The following NPR3 variants were observed in gnomAD, a reference collection of about 807,000 sequenced individuals.
The protein encoded by NPR3 is atrial natriuretic peptide receptor 3.
A neutral mutation model predicts 54.5 loss-of-function variants in NPR3; 34 were observed. The ratio of observed to expected loss-of-function variants is 0.62; its 90% CI spans 0.47 to 0.83. The LOEUF (loss-of-function observed/expected upper bound fraction) is 0.83, where lower values mean the gene tolerates loss of function less well. Ranked by LOEUF, NPR3 falls within the 40% of genes least tolerant of loss-of-function variation. NPR3 has a pLI of 0.00. For synonymous variants in NPR3, 289 were observed against 297.1 expected (o/e 0.97, Z 0.28); for missense variants, 674 against 720.8 (o/e 0.94, Z 0.74).
chr5:32,765,616 C>T (rs1242547452), intron 3 of NPR3, among the ~76,000 whole-genome samples: 2 of 152,166 alleles, frequency 1.3e-5, no homozygotes, highest in African/African-American at 4.8e-5. Context: ...ATCGGGAACA[C>T]AGATGCGCAA....
At chr5:32,728,976 A>T (rs864671) in intron 2 of NPR3, among the ~76,000 whole-genome samples, 51,105 of 132,580 alleles carry the variant, frequency 0.39, 11,349 homozygotes, top group African/African-American at 0.58. Flanking sequence ...ATTTTATTTT[A>T]TTCCCTGAGG....
In NPR3 at chr5:32,743,583, C is replaced by T. The variant is rs199758119; in HGVS notation, c.1059+4553C>T. 6.6e-5 allele frequency among the ~76,000 whole-genome samples: 10 copies of T among 152,318 alleles called. No homozygotes were observed. The East Asian group carries it at 1.9e-3, about 29-fold the overall frequency. On this transcript the variant is annotated intron_variant, in intron 3 of 7. Transcript: ENST00000265074. Reference sequence around the variant, plus strand: ...AACCATTTCTGCACTCCTAGAATAACTCAGGACCATCTCAACCTCAAGACT... The same window carrying T: ...AACCATTTCTGCACTCCTAGAATAATTCAGGACCATCTCAACCTCAAGACT...
At chr5:32,706,327 C>T (rs959595852), upstream of NPR3, among the ~76,000 whole-genome samples, 1 of 152,136 alleles carries the variant, frequency 6.6e-6, no homozygotes, top group Admixed American at 6.6e-5. Context: ...TAACCAGTCT[C>T]AGTTATTTCC....
At chr5:32,775,202 T>C (rs1037350814) in intron 4 of NPR3, among the ~76,000 whole-genome samples, 5 of 152,190 alleles carry the variant, frequency 3.3e-5, no homozygotes, top group Admixed American at 2.6e-4. Context: ...GTGTTCAGAC[T>C]ATGTTGGTTT....
intron 3 of NPR3, among the ~76,000 whole-genome samples, chr5:32,741,777 T>C (rs991530747): frequency 6.6e-6 from 1 of 151,974 alleles, no homozygotes; most frequent in African/African-American, 2.4e-5. Context: ...TTTTCTTTTT[T>C]TTTTTGAGAT....
chr5:32,791,148 C>G lies in NPR3; in HGVS notation c.*4803C>G, dbSNP rs1024577320. The G allele has an allele frequency of 6.0e-6, 1 of 167,058 alleles. No homozygotes were observed. The highest frequency in any genetic ancestry group is 2.4e-5 in the African/African-American group (1 of 41,442). 10.3% of individuals were successfully genotyped at this position (167,058 alleles called of 1,614,324 possible). A position where few individuals can be genotyped will look rare whatever the true frequency, so the allele number is the denominator to read the frequency against. On this transcript the variant is annotated 3_prime_UTR_variant, in exon 8 of 8. Transcript: ENST00000265074. ...TTATTTATTGCCAAGATCTGAAAATCTTCAACATCTTATAAGACAACAATG... is the reference window on the plus strand; with the variant it reads ...TTATTTATTGCCAAGATCTGAAAATGTTCAACATCTTATAAGACAACAATG...
Position 32,700,731 on chromosome 5 carries a change from G to A in NPR3, c.100+11545G>A, listed in dbSNP as rs140901743. ...TCCCTGCCAAGGACATGAACTCATC[G>A]TTTTTTATGGCTGCATAGTATTCCA... On this transcript the variant is annotated intron_variant, in intron 1 of 5. Transcript: ENST00000509104. Among the ~76,000 whole-genome samples, 256 of 152,222 alleles carry A rather than the reference G, an allele frequency of 1.7e-3. 3 individuals are homozygous for A. Among genetic ancestry groups the A allele is most frequent in the African/African-American group, 6.0e-3 (248 of 41,552 alleles).
At chr5:32,726,272 T>C (rs1739131874) in intron 2 of NPR3, among the ~76,000 whole-genome samples, 1 of 152,176 alleles carries the variant, frequency 6.6e-6, no homozygotes, top group African/African-American at 2.4e-5. Context: ...GAGCAGTACA[T>C]CATTGTGCAT....
At chr5:32,735,512 C>T (rs766877871) in intron 2 of NPR3, among the ~76,000 whole-genome samples, 13 of 150,638 alleles carry the variant, frequency 8.6e-5, no homozygotes, top group Non-Finnish European at 1.8e-4. Context: ...AAAACTTGCT[C>T]ATAATTGTAA....
intron 1 of NPR3, among the ~76,000 whole-genome samples, chr5:32,702,721 T>C (rs964861310): frequency 2.0e-5 from 3 of 152,180 alleles, no homozygotes; most frequent in Non-Finnish European, 4.4e-5. Context: ...ACAATAAGCA[T>C]ACGTGTGCAT....
chr5:32,713,523 A>T, intron 1 of NPR3: 1 of 930,202 alleles, frequency 1.1e-6, no homozygotes, highest in Non-Finnish European at 1.3e-6. Flanking sequence ...GAGCACTGCG[A>T]TGAGGGAATC....
At chr5:32,707,712 C>G (rs1738032905), upstream of NPR3, among the ~76,000 whole-genome samples, 1 of 152,114 alleles carries the variant, frequency 6.6e-6, no homozygotes, top group Non-Finnish European at 1.5e-5. Flanking sequence ...CTCTGAAAAT[C>G]TAGGTGGGTT....
At chr5:32,758,330 G>A (rs886326248) in intron 3 of NPR3, among the ~76,000 whole-genome samples, 3 of 152,084 alleles carry the variant, frequency 2.0e-5, no homozygotes, top group African/African-American at 7.2e-5. Flanking sequence ...TGTAGTCTTC[G>A]GAGGGTGTAT....
intron 3 of NPR3, among the ~76,000 whole-genome samples, chr5:32,742,046 C>A (rs114030092): frequency 2.0e-5 from 3 of 151,556 alleles, no homozygotes; most frequent in African/African-American, 7.3e-5. Context: ...TAGTGTGGTG[C>A]GGGAGCCTGT....
intron 3 of NPR3, among the ~76,000 whole-genome samples, chr5:32,760,266 GTTTAAC>G (rs1304085835): frequency 6.6e-6 from 1 of 152,092 alleles, no homozygotes; most frequent in East Asian, 1.9e-4. Context: ...ATAGATGCAA[GTTTAAC>G]TTTATAAGAA....
intron 3 of NPR3, among the ~76,000 whole-genome samples, chr5:32,756,414 T>A (rs1296074832): frequency 6.6e-6 from 1 of 152,264 alleles, no homozygotes; most frequent in East Asian, 1.9e-4. Flanking sequence ...TTGAGAAGTG[T>A]CTGTTCATAT....
chr5:32,785,180 A>G (rs1234153773), intron 7 of NPR3, among the ~76,000 whole-genome samples: 4 of 114,112 alleles, frequency 3.5e-5, no homozygotes, highest in African/African-American at 1.4e-4. Flanking sequence ...ACGGAGTCTC[A>G]GTCCCCCTGT....
chr5:32,723,578 G>T (rs530003867), intron 1 of NPR3, among the ~76,000 whole-genome samples: 1 of 152,286 alleles, frequency 6.6e-6, no homozygotes, highest in Non-Finnish European at 1.5e-5. Context: ...CATTAAGTTT[G>T]CTTTTTCAGG....
chr5:32,710,662 G>C (rs1000239117), upstream of NPR3: 16 of 1,510,992 alleles, frequency 1.1e-5, no homozygotes, highest in Middle Eastern at 1.7e-4. Flanking sequence ...CCAGGTCCGC[G>C]ATGGAGCCAT....
Sources: gnomAD v4.1 joint callset for allele counts (sites outside exome capture counted in the v4.1 genomes callset) on GRCh38, gnomAD v4.1.1 for gene constraint, MANE v1.5 for transcripts, NCBI Gene and HGNC (gene_info 2026-07-23, HGNC 2026-07-21) for gene names.